LPGAT1: variants seen among roughly 807,000 people sequenced by gnomAD.
LPGAT1 encodes the protein acyl-CoA:lysophosphatidylglycerol acyltransferase 1.
LPGAT1 carries 11 observed loss-of-function variants against 47.5 expected under a neutral mutation model. The observed-to-expected ratio is 0.23, with a 90% CI of 0.15 to 0.38. LPGAT1 has a LOEUF of 0.38. Among genes scored for constraint, LPGAT1 ranks in the 10% least tolerant of loss-of-function variants. The probability of loss-of-function intolerance (pLI) is 1.00; values close to 1 mark genes in which losing one functional copy is unlikely to be tolerated. For missense variants in LPGAT1, 293 were observed against 439.0 expected, an observed-to-expected ratio of 0.67 and a Z score of 2.97; for synonymous variants, 138 against 144.2, an observed-to-expected ratio of 0.96 and a Z score of 0.31.
rs1357196815 is a variant in LPGAT1, at chr1:211,830,308, C to A, written c.-28+265G>T. Reference sequence around the variant, plus strand: ...GGCGCTGCGCGAGCGGGCGCGCTGGCGCCCTACTCCCCTCGCGGCTGCCTG... The same window carrying A: ...GGCGCTGCGCGAGCGGGCGCGCTGGAGCCCTACTCCCCTCGCGGCTGCCTG... On this transcript the variant is annotated intron_variant, in intron 1 of 7. Transcript: ENST00000366997. The surrounding 1 kb of genome is among the most constrained non-coding windows in gnomAD (Gnocchi z 5.9). The A allele has an allele frequency of 1.1e-5, 12 of 1,087,234 alleles. No homozygotes were observed. The highest frequency in any genetic ancestry group is 1.3e-5 in the Non-Finnish European group (12 of 895,588). 67.3% of individuals were successfully genotyped at this position (1,087,234 alleles called of 1,614,324 possible). A position where few individuals can be genotyped will look rare whatever the true frequency, so the allele number is the denominator to read the frequency against.
intron 2 of LPGAT1, among the ~76,000 whole-genome samples, chr1:211,818,796 C>A (rs562951971): frequency 6.6e-6 from 1 of 152,126 alleles, no homozygotes; most frequent in Admixed American, 6.5e-5. Context: ...TCCTTCCATT[C>A]GTTTTGATGA....
chr1:211,825,074 A>G (rs989478043), intron 2 of LPGAT1, among the ~76,000 whole-genome samples: 11 of 151,986 alleles, frequency 7.2e-5, no homozygotes, highest in Non-Finnish European at 1.6e-4. Context: ...CTGGCATTTC[A>G]GCTCCCTTCC....
chr1:211,775,950 G>A (rs1658381152), intron 6 of LPGAT1, among the ~76,000 whole-genome samples: 3 of 138,758 alleles, frequency 2.2e-5, no homozygotes, highest in African/African-American at 2.6e-5. Flanking sequence ...AAAAAAAAAA[G>A]TGTTTCATTT....
intron 2 of LPGAT1, among the ~76,000 whole-genome samples, chr1:211,824,338 G>A (rs1287569479): frequency 6.6e-6 from 1 of 152,176 alleles, no homozygotes; most frequent in Non-Finnish European, 1.5e-5. Context: ...AGAGGTTGTC[G>A]TGAGCCAAGA....
rs1469657905 is a variant in LPGAT1, at chr1:211,745,587, G to A, written c.*4312C>T. ...ATATTAAATGTAAAAACCCTCAGAT[G>A]GAAATTTTGCAGAAAAACCCATATT... is the stretch of plus-strand genomic sequence containing the variant. On this transcript the variant is annotated 3_prime_UTR_variant, in exon 8 of 8. Transcript: ENST00000366997. 6.6e-6 allele frequency: 1 copy of A among 152,372 alleles called. No homozygotes were observed. The highest frequency in any genetic ancestry group is 2.4e-5 in the African/African-American group (1 of 41,416). 9.4% of individuals were successfully genotyped at this position (152,372 alleles called of 1,614,324 possible). A position where few individuals can be genotyped will look rare whatever the true frequency, so the allele number is the denominator to read the frequency against.
intron 2 of LPGAT1, among the ~76,000 whole-genome samples, chr1:211,797,170 C>T (rs1023210504): frequency 6.6e-6 from 1 of 152,066 alleles, no homozygotes. Flanking sequence ...GCACAAGAAT[C>T]GCTTGAACCT....
At chr1:211,767,944 A>T (rs1483844868) in intron 6 of LPGAT1, among the ~76,000 whole-genome samples, 3 of 152,164 alleles carry the variant, frequency 2.0e-5, no homozygotes, top group Non-Finnish European at 4.4e-5. Context: ...GAGGGTGTAT[A>T]CCTTAGAGTT....
At chr1:211,800,065 C>T (rs1367219556) in intron 2 of LPGAT1, among the ~76,000 whole-genome samples, 1 of 133,408 alleles carries the variant, frequency 7.5e-6, no homozygotes, top group Non-Finnish European at 1.7e-5. Flanking sequence ...GACAGAGTCT[C>T]GCTCTATTGC....
intron 6 of LPGAT1, among the ~76,000 whole-genome samples, chr1:211,770,856 G>A (rs1658136685): frequency 6.6e-6 from 1 of 152,142 alleles, no homozygotes; most frequent in African/African-American, 2.4e-5. Flanking sequence ...TAGCACTTTG[G>A]GAGGCCAAGG....
At chr1:211,768,201 T>C (rs1658021212) in intron 6 of LPGAT1, among the ~76,000 whole-genome samples, 1 of 152,226 alleles carries the variant, frequency 6.6e-6, no homozygotes, top group Non-Finnish European at 1.5e-5. Context: ...TTTAGTATCT[T>C]ATTAAATGGT....
At chr1:211,779,696 C>CA (rs1658556595) in intron 5 of LPGAT1, among the ~76,000 whole-genome samples, 2 of 151,718 alleles carry the variant, frequency 1.3e-5, no homozygotes, top group South Asian at 2.1e-4. Context: ...ACTAAAAATA[C>CA]AAAAAATTAG....
intron 2 of LPGAT1, among the ~76,000 whole-genome samples, chr1:211,810,841 A>G (rs1185177850): frequency 6.6e-6 from 1 of 152,222 alleles, no homozygotes; most frequent in Non-Finnish European, 1.5e-5. Flanking sequence ...AGAAGAGGAA[A>G]TAAGATTATA....
rs764104258 is a variant in LPGAT1 at position 211,749,870 on chromosome 1, C to T, written c.*29G>A. The T allele has an allele frequency of 1.4e-5, 23 of 1,609,862 alleles. No homozygotes were observed. In the African/African-American group the frequency reaches 2.0e-4, roughly 14 times the overall value. On this transcript the variant is annotated 3_prime_UTR_variant, in exon 8 of 8. Coordinates refer to ENST00000366997, the MANE Select transcript of LPGAT1 (RefSeq NM_014873.3). ...TTATGAAAGAAAGTCTGAACTCCTA[C>T]GGTGACCTTGACAAGTCCACGTCAA...
chr1:211,759,388 T>A (rs548662358), intron 6 of LPGAT1, among the ~76,000 whole-genome samples: 1 of 152,330 alleles, frequency 6.6e-6, no homozygotes, highest in East Asian at 1.9e-4. Flanking sequence ...ACCCAGCTCC[T>A]CTTTTTAGTA....
At chr1:211,802,481 G>A (rs1351334949) in intron 2 of LPGAT1, among the ~76,000 whole-genome samples, 1 of 151,934 alleles carries the variant, frequency 6.6e-6, no homozygotes, top group Non-Finnish European at 1.5e-5. Flanking sequence ...ATTGAGGTAA[G>A]AGATGAGATG....
rs531019889 is a variant in LPGAT1, at chr1:211,757,295, A to G, written c.855-6228T>C. The stretch of plus-strand genomic sequence containing the variant: ...TATTGGGCAGACTGCCTGGGGTTGA[A>G]TCCTGACTCTACCACTTGCCAGTTG... On this transcript the variant is annotated intron_variant, in intron 6 of 7. Transcript: ENST00000366997. Among the ~76,000 whole-genome samples the G allele has an allele frequency of 2.9e-4, 44 of 151,712 alleles. 1 individual carries two copies. The highest frequency in any genetic ancestry group is 6.9e-3 in the Middle Eastern group (2 of 290).
At chr1:211,757,036 A>G (rs928606296) in intron 6 of LPGAT1, among the ~76,000 whole-genome samples, 13 of 151,970 alleles carry the variant, frequency 8.6e-5, no homozygotes, top group Non-Finnish European at 1.8e-4. Context: ...AGGTGGGCAG[A>G]TCACGAGGTC....
chr1:211,755,340 A>AAAAAAT (rs1386615526), intron 6 of LPGAT1, among the ~76,000 whole-genome samples: 2 of 152,006 alleles, frequency 1.3e-5, no homozygotes, highest in Non-Finnish European at 2.9e-5. Context: ...TCCGTCTCAA[A>AAAAAAT]AAAAATAAAA....
At chr1:211,796,071 C>T (rs1047425675) in intron 2 of LPGAT1, among the ~76,000 whole-genome samples, 1 of 151,716 alleles carries the variant, frequency 6.6e-6, no homozygotes, top group African/African-American at 2.4e-5. Context: ...GATACCTAGG[C>T]CCATGCAGTG....
Sources: allele counts gnomAD v4.1 joint callset (sites outside exome capture counted in the v4.1 genomes callset), GRCh38; gene constraint gnomAD v4.1.1; non-coding constraint Gnocchi (gnomAD v3.1); transcripts MANE v1.5; gene names NCBI Gene and HGNC (gene_info 2026-07-23, HGNC 2026-07-21).